The following LTBP4 variants were observed in gnomAD, a reference collection of about 807,000 sequenced individuals.
The protein encoded by LTBP4 is latent transforming growth factor beta binding protein 4.
In LTBP4, 93 loss-of-function variants were observed where a neutral mutation model predicts 180.2. The ratio of observed to expected loss-of-function variants is 0.52; its 90% CI spans 0.44 to 0.61. The LOEUF (loss-of-function observed/expected upper bound fraction) is 0.61. Ranked by LOEUF, LTBP4 falls within the 20% of genes least tolerant of loss-of-function variation. The pLI, the probability that LTBP4 is intolerant of heterozygous loss-of-function variation, is 0.00. For synonymous variants in LTBP4, 947 were observed against 934.5 expected, an observed-to-expected ratio of 1.01 and a Z score of -0.24; for missense variants, 2,116 against 2,256.5, an observed-to-expected ratio of 0.94 and a Z score of 1.26.
intron 18 of LTBP4, 43 bp downstream of exon 18, chr19:40,614,081 C>G (rs530826991): frequency 2.5e-6 from 4 of 1,603,646 alleles, no homozygotes; most frequent in Non-Finnish European, 3.4e-6. Flanking sequence ...CCCTTCGACT[C>G]CCCGACTCGC....
chr19:40,627,872 G>T lies in LTBP4; in HGVS notation c.4519+15G>T, dbSNP rs774647947. On this transcript the variant is annotated intron_variant, in intron 29 of 29. Transcript: ENST00000396819. The stretch of plus-strand genomic sequence containing the variant: ...GGCCTGCGTTGGTGAGGGCGGGCCC[G>T]GGGCCAGCATGCGCAGGGAGAGGCG... 49 of 1,552,918 alleles carry T rather than the reference G, an allele frequency of 3.2e-5. No homozygotes were observed. The South Asian group carries it at 5.3e-4, about 17-fold the overall frequency.
At chr19:40,623,094 C>T in intron 24 of LTBP4, 73 bp downstream of exon 24, 1 of 1,160,672 alleles carries the variant, frequency 8.6e-7, no homozygotes, top group Non-Finnish European at 1.2e-6. Flanking sequence ...TTTTCTTTGC[C>T]TCTGTCTCTC....
chr19:40,616,779 C>T, intron 19 of LTBP4, 110 bp from the exon 20 acceptor site: 1 of 1,286,502 alleles, frequency 7.8e-7, no homozygotes. Context: ...AGCTCAGGCT[C>T]CTAGAATACC....
Position 40,627,051 on chromosome 19 carries a change from C to G in LTBP4, c.4062C>G (p.Pro1354=). ...SPPRPGGFGL[P]YEYGPDLGPP... is the part of the protein sequence containing the mutation. ...CGCGACCAGGTGGCTTTGGACTCCC[C>G]TACGAGTACGGCCCAGACTTAGGTC... Residue 1354 remains proline (P), a synonymous_variant, in exon 28 of 30, where the codon CCC becomes CCG. Transcript: ENST00000396819. 8.1e-6 allele frequency: 13 copies of G among 1,613,426 alleles called. No homozygotes were observed. Among genetic ancestry groups the G allele is most frequent in the Non-Finnish European group, 1.1e-5 (13 of 1,179,562 alleles).
intron 21 of LTBP4, among the ~76,000 whole-genome samples, chr19:40,619,012 A>G (rs2081568370): frequency 6.6e-6 from 1 of 151,590 alleles, no homozygotes; most frequent in Non-Finnish European, 1.5e-5. Flanking sequence ...TTTTTTCAAT[A>G]TTTCTAGCAA....
In LTBP4 at chr19:40,614,947, C is replaced by G. The variant is rs75488872; in HGVS notation, c.2812+501C>G. ...AAATTCTCCTAGCATTGGCCCCCGC[C>G]CGTTTAAGCTCTGCCCTTCCTTGGT... On this transcript the variant is annotated intron_variant, in intron 19 of 29. Coordinates refer to ENST00000396819, the MANE Select transcript of LTBP4 (RefSeq NM_001042545.2). 1.9e-3 allele frequency among the ~76,000 whole-genome samples: 282 copies of G among 152,320 alleles called. 1 individual carries two copies. Among genetic ancestry groups the G allele is most frequent in the African/African-American group, 6.3e-3 (261 of 41,572 alleles).
At chr19:40,604,376 G>A (rs1489470927) in intron 1 of LTBP4, among the ~76,000 whole-genome samples, 3 of 152,058 alleles carry the variant, frequency 2.0e-5, no homozygotes, top group East Asian at 1.9e-4. Flanking sequence ...TTATGCCAGG[G>A]AGTGGTTAAA....
chr19:40,601,421 C>T lies in LTBP4; in HGVS notation c.34C>T (p.Leu12=), dbSNP rs1373524958. Residue 12 remains leucine (L), a synonymous_variant, in exon 1 of 30, where the codon CTA becomes TTA. Transcript: ENST00000396819. ...AGGVRLLWVS[L]LVLLAQLGPQ... ...CGGCGTGCGGCTGCTCTGGGTGTCGCTATTGGTGCTGCTGGCGCAGCTAGG... is the reference window on the plus strand; with the variant it reads ...CGGCGTGCGGCTGCTCTGGGTGTCGTTATTGGTGCTGCTGGCGCAGCTAGG... 5.6e-6 allele frequency: 8 copies of T among 1,440,366 alleles called. No homozygotes were observed. Among genetic ancestry groups the T allele is most frequent in the African/African-American group, 1.5e-5 (1 of 67,594 alleles). The allele number at this position is 1,440,366 out of a possible 1,614,324, so 89.2% of individuals were successfully genotyped here. A position where few individuals can be genotyped will look rare whatever the true frequency, so the allele number is the denominator to read the frequency against.
chr19:40,618,259 G>GTTT (rs1055926861), intron 21 of LTBP4, among the ~76,000 whole-genome samples: 3 of 135,890 alleles, frequency 2.2e-5, no homozygotes, highest in Admixed American at 7.4e-5. Flanking sequence ...GTAGAGATGA[G>GTTT]TTTTTTTTTT....
rs2081642767 is a variant in LTBP4, at chr19:40,627,325, G to A, written c.4336G>A (p.Glu1446Lys). 3.3e-6 allele frequency: 5 copies of A among 1,521,512 alleles called. No individual in the cohort carries two copies. Among genetic ancestry groups the A allele is most frequent in the South Asian group, 2.5e-5 (2 of 81,628 alleles). The allele number at this position is 1,521,512 out of a possible 1,614,324, so 94.3% of individuals were successfully genotyped here. Residue 1446 changes from glutamate (E) to lysine (K), a missense_variant, in exon 28 of 30, where the codon GAG (glutamate) becomes AAG (lysine). Physicochemically the swap from Glu to Lys is moderately conservative, Grantham distance 56 (BLOSUM62 1). Around this residue, in one of 5 missense-constraint regions of LTBP4, gnomAD observed 488 missense variants for 458.8 expected, o/e 1.06. Transcript: ENST00000396819. Reference sequence around the variant, plus strand: ...CACCCGCCGCTCCTTCCCAGAGCCCGAGGAGCCTCCTGAAGGTGGAAGCTA... The same window carrying A: ...CACCCGCCGCTCCTTCCCAGAGCCCAAGGAGCCTCCTGAAGGTGGAAGCTA... The part of the protein sequence containing the change: ...RDTRRSFPEP[E>K]EPPEGGSYAG...
intron 27 of LTBP4, 117 bp downstream of exon 27, chr19:40,626,126 C>T: frequency 8.6e-7 from 1 of 1,162,738 alleles, no homozygotes; most frequent in Non-Finnish European, 1.2e-6. Flanking sequence ...TCCCCTAGAC[C>T]AACCCCTATG....
intron 26 of LTBP4, among the ~76,000 whole-genome samples, chr19:40,625,277 TA>T (rs1568414340): frequency 0.081 from 622 of 7,678 alleles, 179 homozygotes; most frequent in African/African-American, 0.31. Context: ...TATATATATA[TA>T]TATATATATA....
intron 19 of LTBP4, chr19:40,615,237 G>C (rs1016917525): frequency 1.4e-5 from 2 of 139,350 alleles, no homozygotes; most frequent in African/African-American, 5.5e-5. Context: ...GCATCTTGTG[G>C]AACACATGAA....
At chr19:40,615,176 A>G (rs915597868) in intron 19 of LTBP4, among the ~76,000 whole-genome samples, 1 of 64,692 alleles carries the variant, frequency 1.5e-5, no homozygotes, top group East Asian at 4.4e-4. Flanking sequence ...CATACAGTAT[A>G]TATTTTTTTG....
chr19:40,628,397 T>C (rs2146054789), intron 29 of LTBP4, among the ~76,000 whole-genome samples: 1 of 152,174 alleles, frequency 6.6e-6, no homozygotes, highest in East Asian at 1.9e-4. Context: ...TAGCCGGGTG[T>C]GGTGGTGCAT....
At chr19:40,610,213 C>G in intron 11 of LTBP4, 1 of 503,322 alleles carries the variant, frequency 2.0e-6, no homozygotes, top group South Asian at 3.3e-5. Context: ...CTGCGGCAAC[C>G]AATCTCCTGA....
intron 28 of LTBP4, 114 bp downstream of exon 28, chr19:40,627,469 G>C: frequency 2.9e-6 from 4 of 1,361,462 alleles, no homozygotes; most frequent in Non-Finnish European, 3.9e-6. Flanking sequence ...CAACTGGAGA[G>C]AGCCACAGAA....
upstream of LTBP4, among the ~76,000 whole-genome samples, chr19:40,596,952 C>T (rs998861976): frequency 3.9e-5 from 6 of 152,098 alleles, no homozygotes; most frequent in African/African-American, 1.2e-4. Flanking sequence ...AGAAGGTTCA[C>T]GGAGCCAGTA....
intron 6 of LTBP4, 104 bp from the exon 7 acceptor site, chr19:40,607,261 A>AG: frequency 1.6e-5 from 8 of 490,448 alleles, no homozygotes; most frequent in South Asian, 4.8e-5. Context: ...GCACCCACCA[A>AG]CCCCCCACCC....
Sources: gnomAD v4.1 joint callset for allele counts (sites outside exome capture counted in the v4.1 genomes callset) on GRCh38, gnomAD v4.1.1 for gene constraint, gnomAD v4.1.1 regional missense constraint, MANE v1.5 for transcripts, NCBI Gene and HGNC (gene_info 2026-07-23, HGNC 2026-07-21) for gene names.